Variants in JAKMIP3 observed in about 807,000 individuals in gnomAD.
The protein encoded by JAKMIP3 is Janus kinase and microtubule interacting protein 3, also known as janus kinase and microtubule-interacting protein 3.
A neutral mutation model predicts 118.5 loss-of-function variants in JAKMIP3; 58 were observed. The ratio of observed to expected loss-of-function variants is 0.49; its 90% confidence interval spans 0.40 to 0.61. JAKMIP3 has a LOEUF of 0.61. Ranked by LOEUF, JAKMIP3 falls within the 20% of genes least tolerant of loss-of-function variation. The pLI is 0.00. For missense variants in JAKMIP3, 950 were observed against 1,109.0 expected (o/e 0.86, Z 2.04); for synonymous variants, 486 against 451.2 (o/e 1.08, Z -0.98).
chr10:132,045,304 C>T (rs1023017868), intron 1 of JAKMIP3, among the ~76,000 whole-genome samples: 1 of 152,156 alleles, frequency 6.6e-6, no homozygotes, highest in African/African-American at 2.4e-5. Flanking sequence ...TTGTTGGCTG[C>T]CTGGATGTTG....
intron 23 of JAKMIP3, among the ~76,000 whole-genome samples, chr10:132,181,783 G>A (rs760724426): frequency 3.3e-5 from 5 of 151,524 alleles, no homozygotes; most frequent in South Asian, 4.2e-4. Flanking sequence ...CTCTACGGCC[G>A]GGCCCTCTGC....
At chr10:132,119,511 T>C (rs1339264888) in intron 3 of JAKMIP3, among the ~76,000 whole-genome samples, 2 of 152,210 alleles carry the variant, frequency 1.3e-5, no homozygotes. Context: ...ACAGCTCCTC[T>C]CTGCCAGATT....
At chr10:132,102,982 C>T (rs1202734394) in intron 1 of JAKMIP3, among the ~76,000 whole-genome samples, 2 of 136,484 alleles carry the variant, frequency 1.5e-5, no homozygotes, top group Non-Finnish European at 3.2e-5. Flanking sequence ...AAGTGTTCAC[C>T]GGGAGAGGAG....
chr10:132,071,433 A>G (rs2039826167), intron 1 of JAKMIP3, among the ~76,000 whole-genome samples: 1 of 152,226 alleles, frequency 6.6e-6, no homozygotes, highest in Non-Finnish European at 1.5e-5. Flanking sequence ...CACTTGGTTA[A>G]TGGTGGTGTT....
rs2061584108 is a variant in JAKMIP3, at chr10:132,182,454, A to G, written c.*1201A>G. 6.6e-6 allele frequency: 1 copy of G among 152,214 alleles called. No homozygotes were observed. Among genetic ancestry groups the G allele is most frequent in the African/African-American group, 2.4e-5 (1 of 41,450 alleles). 9.4% of individuals were successfully genotyped at this position (152,214 alleles called of 1,614,324 possible). On this transcript the variant is annotated 3_prime_UTR_variant, in exon 24 of 24. Coordinates refer to ENST00000684848, the MANE Select transcript of JAKMIP3 (RefSeq NM_001323087.2). Reference sequence around the variant, plus strand: ...CCCGGGAGCTTCGTCCAGCCTGTGGATGGAGCCTGACTGGCTGCAGATGGA... The same window carrying G: ...CCCGGGAGCTTCGTCCAGCCTGTGGGTGGAGCCTGACTGGCTGCAGATGGA...
intron 1 of JAKMIP3, among the ~76,000 whole-genome samples, chr10:132,050,397 C>T (rs1249981671): frequency 6.6e-6 from 1 of 152,188 alleles, no homozygotes; most frequent in Admixed American, 6.5e-5. Context: ...GACCCTTCAT[C>T]GCTCAGCTTG....
intron 23 of JAKMIP3, among the ~76,000 whole-genome samples, chr10:132,169,545 A>G (rs1010251685): frequency 1.3e-5 from 2 of 151,916 alleles, no homozygotes; most frequent in East Asian, 1.9e-4. Flanking sequence ...GGGGTTCCCT[A>G]TGGGAGGGTT....
intron 1 of JAKMIP3, among the ~76,000 whole-genome samples, chr10:132,080,493 A>G (rs2041588066): frequency 8.0e-6 from 1 of 124,616 alleles, no homozygotes; most frequent in African/African-American, 3.2e-5. Context: ...TCTTGCTGTC[A>G]AGTTATAGGA....
At chr10:132,082,639 C>G (rs983279633) in intron 1 of JAKMIP3, among the ~76,000 whole-genome samples, 2 of 151,048 alleles carry the variant, frequency 1.3e-5, no homozygotes, top group African/African-American at 4.9e-5. Context: ...GAGACAGTGT[C>G]TCACTCTGTC....
At chr10:132,123,990 G>A (rs949312485) in intron 3 of JAKMIP3, among the ~76,000 whole-genome samples, 3 of 152,358 alleles carry the variant, frequency 2.0e-5, no homozygotes, top group South Asian at 4.1e-4. Flanking sequence ...CCCAGGGCGT[G>A]GCTGTGCCCA....
intron 1 of JAKMIP3, among the ~76,000 whole-genome samples, chr10:132,078,912 G>T (rs139314717): frequency 1.3e-5 from 2 of 152,222 alleles, no homozygotes; most frequent in Non-Finnish European, 2.9e-5. Flanking sequence ...CGTGCGCCCT[G>T]AGCTGCCCGT....
intron 20 of JAKMIP3, among the ~76,000 whole-genome samples, chr10:132,164,320 C>A (rs1454485170): frequency 2.0e-5 from 3 of 152,250 alleles, no homozygotes; most frequent in African/African-American, 7.2e-5. Flanking sequence ...CTGTGCCCAG[C>A]TCTCCTGCGA....
chr10:132,146,124 G>GCCCCGCCCCCACCCCCAC (rs2054553426), intron 13 of JAKMIP3, among the ~76,000 whole-genome samples: 9 of 146,894 alleles, frequency 6.1e-5, no homozygotes, highest in African/African-American at 2.3e-4. Context: ...CTGAAGTGCT[G>GCCCCGCCCCCACCCCCAC]CCCCGCCCCC....
chr10:132,100,896 G>T (rs1167839340), intron 1 of JAKMIP3, among the ~76,000 whole-genome samples: 1 of 152,084 alleles, frequency 6.6e-6, no homozygotes, highest in Non-Finnish European at 1.5e-5. Context: ...CGGGAAGGAA[G>T]AGCTTGCCGC....
At position 132,158,952 on chromosome 10, in the gene JAKMIP3, C is replaced by A. The variant is rs1277955200; in HGVS notation, c.2221-4257C>A. ...CCTTTGTGATGCTGGGGGGGGGGAC[C>A]TCTCGCTGTGTGATGCTGGGGGGGA... On this transcript the variant is annotated intron_variant, in intron 19 of 23. Transcript: ENST00000684848. 2.2e-3 allele frequency among the ~76,000 whole-genome samples: 202 copies of A among 91,838 alleles called. 13 individuals carry two copies. Among genetic ancestry groups the A allele is most frequent in the African/African-American group, 4.1e-3 (81 of 19,562 alleles). 60.2% of individuals were successfully genotyped at this position (91,838 alleles called of 152,430 possible).
chr10:132,058,370 G>T (rs2038302706), intron 1 of JAKMIP3, among the ~76,000 whole-genome samples: 1 of 152,222 alleles, frequency 6.6e-6, no homozygotes, highest in African/African-American at 2.4e-5. Context: ...AGGCACAGGT[G>T]TATCCAGGCC....
intron 3 of JAKMIP3, among the ~76,000 whole-genome samples, chr10:132,129,445 C>G (rs564392143): frequency 1.3e-5 from 2 of 152,282 alleles, no homozygotes; most frequent in East Asian, 3.9e-4. Context: ...TGAGGGAATC[C>G]TTAGTCAGAT....
intron 1 of JAKMIP3, among the ~76,000 whole-genome samples, chr10:132,039,801 C>G (rs1302878876): frequency 6.6e-6 from 1 of 152,264 alleles, no homozygotes; most frequent in Non-Finnish European, 1.5e-5. Context: ...TGACTTGGCT[C>G]TTACAGCCTC....
chr10:132,142,141 C>T, intron 11 of JAKMIP3, 93 bp downstream of exon 11: 1 of 1,380,522 alleles, frequency 7.2e-7, no homozygotes, highest in Non-Finnish European at 9.7e-7. Flanking sequence ...CACTAGCCCT[C>T]CTGGGCCCGG....
Sources: allele counts gnomAD v4.1 joint callset (sites outside exome capture counted in the v4.1 genomes callset), GRCh38; gene constraint gnomAD v4.1.1; transcripts MANE v1.5; gene names NCBI Gene and HGNC (gene_info 2026-07-23, HGNC 2026-07-21).